Variants in AGBL4 observed in about 807,000 individuals in gnomAD.
The protein encoded by AGBL4 is AGBL carboxypeptidase 4, also known as cytosolic carboxypeptidase 6.
In AGBL4, 58 loss-of-function variants were observed where a neutral mutation model predicts 66.4. The ratio of observed to expected loss-of-function variants is 0.87; its 90% confidence interval spans 0.71 to 1.09. The LOEUF (loss-of-function observed/expected upper bound fraction) is 1.09. Ranked by LOEUF, AGBL4 falls within the 50% of genes least tolerant of loss-of-function variation. The probability of loss-of-function intolerance (pLI) is 0.00; values close to 1 mark genes in which losing one functional copy is unlikely to be tolerated. For missense variants in AGBL4, 579 were observed against 631.0 expected (o/e 0.92, Z 0.88); for synonymous variants, 234 against 222.9 (o/e 1.05, Z -0.44).
intron 4 of AGBL4, among the ~76,000 whole-genome samples, chr1:49,132,980 G>C (rs1645930907): frequency 6.6e-6 from 1 of 152,150 alleles, no homozygotes. Flanking sequence ...CAAAGCCTTG[G>C]AACCAACCCA....
chr1:49,667,946 T>C (rs1189461133), intron 3 of AGBL4, among the ~76,000 whole-genome samples: 3 of 152,214 alleles, frequency 2.0e-5, no homozygotes, highest in Non-Finnish European at 4.4e-5. Context: ...CATCAGTTTC[T>C]TTATGTGTAA....
chr1:48,763,577 T>C (rs1644384756), intron 6 of AGBL4, among the ~76,000 whole-genome samples: 1 of 152,146 alleles, frequency 6.6e-6, no homozygotes, highest in Non-Finnish European at 1.5e-5. Flanking sequence ...GCAAAGCTCC[T>C]GGACTAGTCT....
chr1:49,641,898 C>G (rs959889058), intron 3 of AGBL4, among the ~76,000 whole-genome samples: 1 of 152,022 alleles, frequency 6.6e-6, no homozygotes, highest in Admixed American at 6.6e-5. Context: ...GAAGTAACTT[C>G]TAAGCCACAT....
chr1:49,873,993 G>A (rs1426035333), intron 1 of AGBL4, among the ~76,000 whole-genome samples: 2 of 152,052 alleles, frequency 1.3e-5, no homozygotes, highest in African/African-American at 4.8e-5. Context: ...AAGACTTACT[G>A]TAATGACACC....
chr1:49,117,491 G>A (rs1198481270), intron 4 of AGBL4, among the ~76,000 whole-genome samples: 1 of 152,088 alleles, frequency 6.6e-6, no homozygotes, highest in African/African-American at 2.4e-5. Context: ...TTTCCCCACT[G>A]CTTGTTTTTG....
chr1:49,504,820 A>G (rs1648527624), intron 3 of AGBL4, among the ~76,000 whole-genome samples: 1 of 151,930 alleles, frequency 6.6e-6, no homozygotes, highest in Non-Finnish European at 1.5e-5. Context: ...TTTTGATTGG[A>G]GAATCTAATC....
chr1:48,615,738 C>T (rs1010270433), intron 9 of AGBL4, among the ~76,000 whole-genome samples: 4 of 152,180 alleles, frequency 2.6e-5, no homozygotes, highest in Non-Finnish European at 4.4e-5. Context: ...TCGGTTACAC[C>T]GTTGCTACTC....
chr1:49,926,652 T>C (rs1652809233), intron 1 of AGBL4, among the ~76,000 whole-genome samples: 1 of 152,030 alleles, frequency 6.6e-6, no homozygotes, highest in Non-Finnish European at 1.5e-5. Flanking sequence ...AAATCTAAGA[T>C]AACACAGAGA....
intron 8 of AGBL4, 96 bp from the exon 9 acceptor site, chr1:48,634,700 A>C: frequency 1.3e-6 from 1 of 765,982 alleles, no homozygotes; most frequent in Non-Finnish European, 2.1e-6. Context: ...TGATTATGTC[A>C]CTTACCTAGC....
At chr1:49,106,231 T>C (rs1167682204) in intron 4 of AGBL4, among the ~76,000 whole-genome samples, 2 of 152,316 alleles carry the variant, frequency 1.3e-5, no homozygotes, top group East Asian at 3.9e-4. Flanking sequence ...CTCTTGATAC[T>C]GCCTTTACCA....
intron 6 of AGBL4, among the ~76,000 whole-genome samples, chr1:48,689,374 C>CACCTACCTACCT (rs527261285): frequency 1.3e-5 from 2 of 150,216 alleles, no homozygotes; most frequent in Non-Finnish European, 2.9e-5. Context: ...GGATGACGGT[C>CACCTACCTACCT]ACCTACCTAC....
chr1:49,232,484 G>A (rs1257878672), intron 4 of AGBL4, among the ~76,000 whole-genome samples: 1 of 152,012 alleles, frequency 6.6e-6, no homozygotes, highest in South Asian at 2.1e-4. Flanking sequence ...GGATCTTGAC[G>A]TCAGGAGATC....
chr1:49,492,621 A>G (rs1647217714), intron 3 of AGBL4, among the ~76,000 whole-genome samples: 1 of 151,990 alleles, frequency 6.6e-6, no homozygotes, highest in Non-Finnish European at 1.5e-5. Flanking sequence ...TTTCAAGACC[A>G]TATTTGTATG....
chr1:49,918,750 T>C (rs545495021), intron 1 of AGBL4, among the ~76,000 whole-genome samples: 5 of 152,120 alleles, frequency 3.3e-5, no homozygotes, highest in Non-Finnish European at 4.4e-5. Flanking sequence ...GCCAACATCA[T>C]CCTGATACCA....
At position 48,676,414 on chromosome 1, in the gene AGBL4, G is replaced by A. The variant is rs1466437622; in HGVS notation, c.635-13173C>T. Among the ~76,000 whole-genome samples, 5 of 152,372 alleles carry A rather than the reference G, an allele frequency of 3.3e-5. No individual in the cohort carries two copies. The South Asian group carries it at 6.2e-4, about 19-fold the overall frequency. On this transcript the variant is annotated intron_variant, in intron 6 of 13. Transcript: ENST00000371839. ...ACTGCGCTGCTCTCTGAGTGTGTGA[G>A]CCCAGGCAAGTTACTTCACTTCTCT... is the stretch of plus-strand genomic sequence containing the variant.
At position 49,227,224 on chromosome 1, in the gene AGBL4, A is replaced by C. The variant is rs527731698; in HGVS notation, c.377+18546T>G. 2.0e-4 allele frequency among the ~76,000 whole-genome samples: 31 copies of C among 152,344 alleles called. No homozygotes were observed. In the South Asian group the frequency reaches 6.4e-3, roughly 32 times the overall value. On this transcript the variant is annotated intron_variant, in intron 4 of 13. Transcript: ENST00000371839. The stretch of plus-strand genomic sequence containing the variant: ...CCCTCTATTAGACTTTCAGTTTTAT[A>C]ATAAGAACAAAATCTCTTTTTTTCC...
intron 4 of AGBL4, among the ~76,000 whole-genome samples, chr1:49,204,321 A>G (rs1647960100): frequency 6.6e-6 from 1 of 151,918 alleles, no homozygotes; most frequent in East Asian, 1.9e-4. Context: ...TCCAGGCTGG[A>G]GTGCAGTGGT....
intron 1 of AGBL4, among the ~76,000 whole-genome samples, chr1:49,867,772 T>C (rs1037576961): frequency 6.6e-6 from 1 of 152,156 alleles, no homozygotes; most frequent in African/African-American, 2.4e-5. Flanking sequence ...AAAAACACAC[T>C]GAAGTACAAA....
At chr1:49,742,867 G>T (rs539308642) in intron 2 of AGBL4, among the ~76,000 whole-genome samples, 5 of 152,094 alleles carry the variant, frequency 3.3e-5, no homozygotes. Context: ...AGCTGAAACC[G>T]GATCCCTCTC....
Sources: allele counts gnomAD v4.1 joint callset (sites outside exome capture counted in the v4.1 genomes callset), GRCh38; gene constraint gnomAD v4.1.1; transcripts MANE v1.5; gene names NCBI Gene and HGNC (gene_info 2026-07-23, HGNC 2026-07-21).